PRKCA: variants seen among roughly 807,000 people sequenced by gnomAD.
PRKCA encodes protein kinase C alpha.
Under a neutral mutation model 87.0 loss-of-function variants are expected in PRKCA, and 27 were observed. The observed-to-expected ratio is 0.31, with a 90% CI of 0.23 to 0.43. PRKCA has a LOEUF of 0.43. PRKCA is among the 20% of genes least tolerant of loss of function. The pLI, the probability that PRKCA is intolerant of heterozygous loss-of-function variation, is 1.00. For missense variants in PRKCA, 518 were observed against 852.3 expected (o/e 0.61, Z 4.88); for synonymous variants, 329 against 311.1 (o/e 1.06, Z -0.61).
At chr17:66,647,117 G>GGGCCATGAGCTA (rs57139355) in intron 5 of PRKCA, among the ~76,000 whole-genome samples, 138,395 of 151,798 alleles carry the variant, frequency 0.91, 63,289 homozygotes, top group African/African-American at 0.98. Context: ...TGTTCCTCGG[G>GGGCCATGAGCTA]GGCCATGAGA....
At chr17:66,440,068 A>G (rs1913644632) in intron 2 of PRKCA, among the ~76,000 whole-genome samples, 1 of 152,206 alleles carries the variant, frequency 6.6e-6, no homozygotes, top group Non-Finnish European at 1.5e-5. Flanking sequence ...AAGATGTATT[A>G]AGAAGGTTGC....
intron 3 of PRKCA, among the ~76,000 whole-genome samples, chr17:66,556,067 C>T (rs1968485574): frequency 6.6e-6 from 1 of 152,000 alleles, no homozygotes; most frequent in Non-Finnish European, 1.5e-5. Context: ...GATGGGCGAG[C>T]CAGCCATGGG....
intron 8 of PRKCA, among the ~76,000 whole-genome samples, chr17:66,723,977 A>G (rs527855513): frequency 6.6e-6 from 1 of 152,336 alleles, no homozygotes; most frequent in South Asian, 2.1e-4. Context: ...CTCAGAGACG[A>G]GTGAATTTGA....
At chr17:66,469,360 A>AAAAAC (rs1035773665) in intron 2 of PRKCA, among the ~76,000 whole-genome samples, 2 of 152,210 alleles carry the variant, frequency 1.3e-5, no homozygotes, top group African/African-American at 2.4e-5. Flanking sequence ...TGTGTTTCTT[A>AAAAAC]AAAACAAAAC....
intron 2 of PRKCA, among the ~76,000 whole-genome samples, chr17:66,321,917 A>G (rs532273893): frequency 1.6e-4 from 25 of 152,326 alleles, no homozygotes; most frequent in Admixed American, 1.3e-3. Flanking sequence ...GACTCATGCT[A>G]TCCACATCCT....
At chr17:66,356,040 A>G (rs896695303) in intron 2 of PRKCA, among the ~76,000 whole-genome samples, 4 of 152,032 alleles carry the variant, frequency 2.6e-5, no homozygotes, top group Admixed American at 6.5e-5. Flanking sequence ...CTGGGATTTC[A>G]GGCACGTGCC....
At chr17:66,706,592 C>T (rs536975576) in intron 8 of PRKCA, among the ~76,000 whole-genome samples, 1 of 150,404 alleles carries the variant, frequency 6.6e-6, no homozygotes, top group African/African-American at 2.5e-5. Flanking sequence ...GAGCCGAGAT[C>T]ACGCCACTGC....
At chr17:66,337,948 T>C (rs1906802816) in intron 2 of PRKCA, among the ~76,000 whole-genome samples, 1 of 152,104 alleles carries the variant, frequency 6.6e-6, no homozygotes, top group African/African-American at 2.4e-5. Flanking sequence ...TGCTAAAATT[T>C]GTAACCAGTA....
chr17:66,743,453 C>T (rs1335366979), intron 13 of PRKCA, among the ~76,000 whole-genome samples: 1 of 152,242 alleles, frequency 6.6e-6, no homozygotes, highest in Non-Finnish European at 1.5e-5. Context: ...TTCTAAACTG[C>T]ATGTTGTCTG....
intron 2 of PRKCA, among the ~76,000 whole-genome samples, chr17:66,333,664 G>A (rs1056192376): frequency 2.6e-5 from 4 of 152,088 alleles, no homozygotes; most frequent in Non-Finnish European, 5.9e-5. Flanking sequence ...AGACTGAAGG[G>A]GATTAAGTCC....
At chr17:66,467,624 C>T (rs1311358861) in intron 2 of PRKCA, among the ~76,000 whole-genome samples, 1 of 152,228 alleles carries the variant, frequency 6.6e-6, no homozygotes, top group Non-Finnish European at 1.5e-5. Flanking sequence ...GTGGCACCAT[C>T]TTGGCTCACC....
chr17:66,506,660 C>T (rs1209947449), intron 3 of PRKCA, among the ~76,000 whole-genome samples: 6 of 152,150 alleles, frequency 3.9e-5, no homozygotes, highest in Admixed American at 2.0e-4. Flanking sequence ...ATCATTATTA[C>T]GGCTGATGCT....
intron 2 of PRKCA, among the ~76,000 whole-genome samples, chr17:66,430,276 G>A (rs752319389): frequency 9.9e-5 from 15 of 151,944 alleles, no homozygotes; most frequent in African/African-American, 1.4e-4. Context: ...CCGAATACAG[G>A]GGGCAGAGTG....
At chr17:66,419,368 T>C (rs1912359530) in intron 2 of PRKCA, among the ~76,000 whole-genome samples, 1 of 152,216 alleles carries the variant, frequency 6.6e-6, no homozygotes, top group Admixed American at 6.5e-5. Flanking sequence ...TTTCCTTTCT[T>C]CATTTAATAT....
At chr17:66,767,914 G>T (rs2144319367) in intron 13 of PRKCA, among the ~76,000 whole-genome samples, 1 of 152,206 alleles carries the variant, frequency 6.6e-6, no homozygotes, top group East Asian at 1.9e-4. Flanking sequence ...TTTATTCTCT[G>T]ATATGGCAAT....
At chr17:66,304,810 CG>C (rs1904717195) in intron 1 of PRKCA, among the ~76,000 whole-genome samples, 1 of 152,078 alleles carries the variant, frequency 6.6e-6, no homozygotes, top group South Asian at 2.1e-4. Context: ...AGTAGGTAGT[CG>C]TAGATAAGGC....
chr17:66,387,309 A>T (rs1910116615), intron 2 of PRKCA, among the ~76,000 whole-genome samples: 1 of 152,238 alleles, frequency 6.6e-6, no homozygotes, highest in Non-Finnish European at 1.5e-5. Flanking sequence ...TTCTGGATAC[A>T]GGACCTGGTG....
chr17:66,412,742 C>T (rs1334546905), intron 2 of PRKCA: 1 of 152,102 alleles, frequency 6.6e-6, no homozygotes, highest in Non-Finnish European at 1.5e-5. Context: ...GAAGATACAC[C>T]ACCCTTCCTC....
chr17:66,526,941 G>A (rs1405558481), intron 3 of PRKCA, among the ~76,000 whole-genome samples: 1 of 152,092 alleles, frequency 6.6e-6, no homozygotes, highest in Non-Finnish European at 1.5e-5. Context: ...GTATACCAGG[G>A]GTTGCAAACT....
Sources: allele counts gnomAD v4.1 joint callset (sites outside exome capture counted in the v4.1 genomes callset), GRCh38; gene constraint gnomAD v4.1.1; transcripts MANE v1.5; gene names NCBI Gene and HGNC (gene_info 2026-07-23, HGNC 2026-07-21).